AAGAB: variants seen among roughly 807,000 people sequenced by gnomAD.
The protein encoded by AAGAB is alpha- and gamma-adaptin-binding protein p34.
AAGAB carries 38 observed loss-of-function variants against 44.1 expected under a neutral mutation model. The ratio of observed to expected loss-of-function variants is 0.86; its 90% CI spans 0.67 to 1.13. The LOEUF is 1.13. Ranked by LOEUF, AAGAB falls within the 50% of genes most tolerant of loss-of-function variation. The pLI, the probability that AAGAB is intolerant of heterozygous loss-of-function variation, is 0.00. For synonymous variants in AAGAB, 131 were observed against 131.8 expected, an observed-to-expected ratio of 0.99 and a Z score of 0.04; for missense variants, 450 against 373.8, an observed-to-expected ratio of 1.20 and a Z score of -1.68.
chr15:67,228,943 A>G (rs1302395321), intron 5 of AAGAB, among the ~76,000 whole-genome samples: 4 of 152,138 alleles, frequency 2.6e-5, no homozygotes, highest in African/African-American at 9.7e-5. Context: ...ACACATGGAG[A>G]TAAAAAGAGG....
chr15:67,236,058 T>C lies in AAGAB; in HGVS notation c.372A>G (p.Arg124=), dbSNP rs1273136287. 1.2e-6 allele frequency: 2 copies of C among 1,611,522 alleles called. No homozygotes were observed. Among genetic ancestry groups the C allele is most frequent in the Non-Finnish European group, 1.7e-6 (2 of 1,178,116 alleles). ...CDRVSEDGIN[R]QKAQEWCIKH... is the part of the protein sequence containing the mutation. ...TGATGCACCATTCTTGAGCTTTTTG[T>C]CGGTTTATACCTAAAATAATATGCA... Residue 124 remains arginine (R), a synonymous_variant, in exon 4 of 10, where the codon CGA becomes CGG. Transcript: ENST00000261880.
At chr15:67,210,973 T>C (rs1963805055) in intron 5 of AAGAB, among the ~76,000 whole-genome samples, 1 of 152,234 alleles carries the variant, frequency 6.6e-6, no homozygotes, top group Non-Finnish European at 1.5e-5. Context: ...CGCATCTCTC[T>C]TTCTCTAAAC....
chr15:67,232,385 CAAT>C (rs1964360631), intron 4 of AAGAB: 1 of 188,058 alleles, frequency 5.3e-6, no homozygotes, highest in Admixed American at 5.6e-5. Flanking sequence ...TTGGAGCTCT[CAAT>C]AAGAATATTC....
intron 8 of AAGAB, among the ~76,000 whole-genome samples, chr15:67,203,823 C>T (rs886828998): frequency 6.6e-5 from 10 of 151,540 alleles, no homozygotes; most frequent in African/African-American, 1.9e-4. Flanking sequence ...TTGAAAGAAA[C>T]AAGGCAAAAG....
intron 6 of AAGAB, among the ~76,000 whole-genome samples, chr15:67,208,865 G>A (rs955303524): frequency 6.6e-6 from 1 of 152,168 alleles, no homozygotes; most frequent in Non-Finnish European, 1.5e-5. Context: ...GGAAGAACTA[G>A]AAAGCGTTGA....
intron 1 of AAGAB, 48 bp from the exon 2 acceptor site, chr15:67,236,868 C>T (rs1285719484): frequency 1.2e-5 from 17 of 1,412,052 alleles, no homozygotes; most frequent in South Asian, 4.0e-5. Flanking sequence ...AACCAATATA[C>T]ATTGGTTGAT....
rs767924700 is a variant in AAGAB at position 67,236,496 on chromosome 15, G to A, written c.273C>T (p.Gly91=). 6.2e-6 allele frequency: 10 copies of A among 1,613,932 alleles called. No individual in the cohort carries two copies. The South Asian group carries it at 1.1e-4, about 18-fold the overall frequency. ...VVYFDSTQKS[G]LDSVSSWLPL... is the part of the protein sequence containing the mutation. ...GAAGCCATGAGGAGACACTATCAAG[G>A]CCCGATTTCTAGAGGGAACAAAAAA... The change falls in exon 3 of 10, where the codon GGC becomes GGT. Residue 91 remains glycine (G), a synonymous_variant. Coordinates refer to ENST00000261880, the MANE Select transcript of AAGAB (RefSeq NM_024666.5).
intron 1 of AAGAB, among the ~76,000 whole-genome samples, chr15:67,241,524 G>A (rs571675674): frequency 1.3e-5 from 2 of 152,210 alleles, no homozygotes; most frequent in East Asian, 3.9e-4. Context: ...CCTTTGTGAA[G>A]CCAGTACTAA....
At position 67,254,604 on chromosome 15, in the gene AAGAB, C is replaced by G. The variant is rs774257097; in HGVS notation, c.28G>C (p.Val10Leu). 3 of 1,609,080 alleles carry G rather than the reference C, an allele frequency of 1.9e-6. No individual in the cohort carries two copies. The South Asian group carries it at 3.3e-5, about 18-fold the overall frequency. The change falls in exon 1 of 10, where the codon GTC becomes CTC. Residue 10 changes from valine to leucine, a missense_variant. By Grantham distance (32) the Val-to-Leu change is conservative. Transcript: ENST00000261880. MAAGVPCAL[V>L]TSCSSVFSGD... ...GAGAAGACGGAGGAGCAGCTGGTGA[C>G]TAACGCACAGGGTACGCCAGCAGCC...
chr15:67,216,481 T>C (rs1271049583), intron 5 of AAGAB, among the ~76,000 whole-genome samples: 2 of 137,466 alleles, frequency 1.5e-5, no homozygotes, highest in Admixed American at 1.5e-4. Context: ...AGAAGAAAAT[T>C]AAATCACCAA....
chr15:67,222,282 A>ACACACACACACACACACACAC (rs796412643), intron 5 of AAGAB, among the ~76,000 whole-genome samples: 6 of 139,844 alleles, frequency 4.3e-5, no homozygotes, highest in Non-Finnish European at 7.8e-5. Flanking sequence ...ACACACACAC[A>ACACACACACACACACACACAC]CCCTCCACCC....
chr15:67,210,957 C>T (rs1380564482), intron 5 of AAGAB, among the ~76,000 whole-genome samples: 3 of 152,204 alleles, frequency 2.0e-5, no homozygotes, highest in African/African-American at 7.2e-5. Flanking sequence ...TCTTCCCTGA[C>T]CTACTCGCAT....
chr15:67,254,975 C>G (rs906877522), upstream of AAGAB: 8 of 1,603,894 alleles, frequency 5.0e-6, no homozygotes, highest in Non-Finnish European at 6.8e-6. Flanking sequence ...CCCGGCCCTG[C>G]CCTGCCCAGC....
intron 1 of AAGAB, among the ~76,000 whole-genome samples, chr15:67,249,910 A>C (rs978375226): frequency 6.6e-6 from 1 of 152,236 alleles, no homozygotes; most frequent in Admixed American, 6.5e-5. Flanking sequence ...CATGTTTGGG[A>C]AGAGTACAGA....
chr15:67,246,086 T>C (rs976946109), intron 1 of AAGAB, among the ~76,000 whole-genome samples: 6 of 152,204 alleles, frequency 3.9e-5, no homozygotes, highest in South Asian at 4.1e-4. Context: ...GCCTCTTTAA[T>C]AGTTTCACAA....
At chr15:67,216,086 T>C (rs1335798067) in intron 5 of AAGAB, among the ~76,000 whole-genome samples, 2 of 152,122 alleles carry the variant, frequency 1.3e-5, no homozygotes, top group African/African-American at 4.8e-5. Context: ...CTATTTTTTC[T>C]CTTTTTCTTG....
intron 1 of AAGAB, among the ~76,000 whole-genome samples, chr15:67,249,938 G>T (rs986345546): frequency 3.9e-5 from 6 of 152,146 alleles, no homozygotes; most frequent in Non-Finnish European, 8.8e-5. Context: ...ATAAATGCTT[G>T]CTATGATTAT....
chr15:67,241,444 C>A (rs576269052), intron 1 of AAGAB, among the ~76,000 whole-genome samples: 5 of 152,326 alleles, frequency 3.3e-5, no homozygotes, highest in African/African-American at 1.2e-4. Flanking sequence ...AGCATCATAA[C>A]CTCTCACCCC....
intron 5 of AAGAB, among the ~76,000 whole-genome samples, chr15:67,219,544 A>T (rs1310856442): frequency 6.6e-6 from 1 of 152,168 alleles, no homozygotes; most frequent in Non-Finnish European, 1.5e-5. Context: ...CCATTATCCT[A>T]AGTGAATTAA....
Sources: gnomAD v4.1 joint callset for allele counts (sites outside exome capture counted in the v4.1 genomes callset) on GRCh38, gnomAD v4.1.1 for gene constraint, MANE v1.5 for transcripts, NCBI Gene and HGNC (gene_info 2026-07-23, HGNC 2026-07-21) for gene names.